The following SENP7 variants were observed in gnomAD, a reference collection of about 807,000 sequenced individuals.
SENP7 encodes the protein SUMO specific peptidase 7.
A neutral mutation model predicts 141.2 loss-of-function variants in SENP7; 64 were observed. The observed-to-expected ratio is 0.45, with a 90% CI of 0.37 to 0.56. SENP7 has a LOEUF of 0.56. Among genes scored for constraint, SENP7 ranks in the 20% least tolerant of loss-of-function variants. The probability of loss-of-function intolerance (pLI) is 0.00; values close to 1 mark genes in which losing one functional copy is unlikely to be tolerated. For missense variants in SENP7, 1,025 were observed against 1,212.2 expected (o/e 0.85, Z 2.29); for synonymous variants, 382 against 426.4 (o/e 0.90, Z 1.28).
intron 3 of SENP7, among the ~76,000 whole-genome samples, chr3:101,488,142 T>C (rs1158619261): frequency 1.3e-5 from 2 of 152,116 alleles, no homozygotes; most frequent in Non-Finnish European, 2.9e-5. Flanking sequence ...TTTTCTGCAG[T>C]GTCTTGTGGT....
chr3:101,401,143 G>C (rs903614759), intron 5 of SENP7, among the ~76,000 whole-genome samples: 1 of 151,942 alleles, frequency 6.6e-6, no homozygotes, highest in Non-Finnish European at 1.5e-5. Flanking sequence ...AGTGTGGAAG[G>C]CATGTTGAAA....
At position 101,367,908 on chromosome 3, in the gene SENP7, C is replaced by T; in HGVS notation, c.900G>A (p.Arg300=). Residue 300 remains arginine, a synonymous_variant, in exon 8 of 24, where the codon AGG becomes AGA. Coordinates refer to ENST00000394095, the MANE Select transcript of SENP7 (RefSeq NM_020654.5). The stretch of plus-strand genomic sequence containing the variant: ...TATTTCTAAGCCTTCTCTTTGTCTT[C>T]CTGGAAATCAGAGTGAGTTCCACTT... ...DSKVELTLIS[R]KTKRRLRNNL... 6.2e-7 allele frequency: 1 copy of T among 1,611,064 alleles called. No individual in the cohort carries two copies. Among genetic ancestry groups the T allele is most frequent in the Non-Finnish European group, 8.5e-7 (1 of 1,177,506 alleles).
intron 6 of SENP7, among the ~76,000 whole-genome samples, chr3:101,392,738 C>T (rs923792131): frequency 1.3e-5 from 2 of 152,174 alleles, no homozygotes; most frequent in African/African-American, 4.8e-5. Flanking sequence ...CAAAGCAATA[C>T]TGAGCAAAAA....
rs1299549995 is a variant in SENP7, at chr3:101,342,768, C to T, written c.2106+918G>A. On this transcript the variant is annotated intron_variant, in intron 14 of 23. Transcript: ENST00000394095. ...GCAATCTCCACCTCCCGGGTTCAAG[C>T]GATTCTCCTGCCTCAGCCGCCTGAG... Among the ~76,000 whole-genome samples, 4 of 151,796 alleles carry T rather than the reference C, an allele frequency of 2.6e-5. 1 individual carries two copies. The South Asian group carries it at 8.3e-4, about 32-fold the overall frequency.
chr3:101,385,701 C>G (rs1009511282), intron 6 of SENP7, among the ~76,000 whole-genome samples: 1 of 152,224 alleles, frequency 6.6e-6, no homozygotes, highest in African/African-American at 2.4e-5. Context: ...TACCCAAACT[C>G]AGAGCAAAGG....
intron 2 of SENP7, among the ~76,000 whole-genome samples, chr3:101,498,578 A>T (rs2065248231): frequency 6.6e-6 from 1 of 152,222 alleles, no homozygotes; most frequent in African/African-American, 2.4e-5. Context: ...ATTGTCATAG[A>T]CTTAAGAAAA....
intron 3 of SENP7, among the ~76,000 whole-genome samples, chr3:101,491,631 G>A (rs897525397): frequency 7.9e-5 from 12 of 152,248 alleles, no homozygotes; most frequent in Non-Finnish European, 1.3e-4. Flanking sequence ...TAAGTAAACA[G>A]AAGTCACCTG....
At chr3:101,414,660 T>G in intron 5 of SENP7, 1 of 1,324,748 alleles carries the variant, frequency 7.5e-7, no homozygotes, top group South Asian at 1.2e-5. Flanking sequence ...CCATGGGGGC[T>G]GAGGGCAAGA....
chr3:101,363,401 C>G (rs780959689), intron 10 of SENP7, among the ~76,000 whole-genome samples: 38 of 152,166 alleles, frequency 2.5e-4, no homozygotes, highest in Non-Finnish European at 5.0e-4. Flanking sequence ...AAAACTGGAA[C>G]AAGAGAGAGC....
chr3:101,402,166 T>C (rs2061163724), intron 5 of SENP7, among the ~76,000 whole-genome samples: 2 of 152,098 alleles, frequency 1.3e-5, no homozygotes, highest in Non-Finnish European at 1.5e-5. Flanking sequence ...GATCCTTCTA[T>C]TGGAATAAAA....
chr3:101,490,109 C>T (rs1404465753), intron 3 of SENP7, among the ~76,000 whole-genome samples: 1 of 151,052 alleles, frequency 6.6e-6, no homozygotes, highest in East Asian at 1.9e-4. Flanking sequence ...CGCTTGAATC[C>T]GGGAGGCAGA....
chr3:101,407,767 C>G (rs1047362343), intron 5 of SENP7, among the ~76,000 whole-genome samples: 1 of 152,050 alleles, frequency 6.6e-6, no homozygotes, highest in Non-Finnish European at 1.5e-5. Flanking sequence ...CTATCAAAAC[C>G]TCTGGGACAC....
At chr3:101,431,235 T>C (rs1425396648) in intron 4 of SENP7, among the ~76,000 whole-genome samples, 1 of 152,140 alleles carries the variant, frequency 6.6e-6, no homozygotes, top group Non-Finnish European at 1.5e-5. Flanking sequence ...TGGATATCCT[T>C]GTTAACCTTC....
intron 1 of SENP7, among the ~76,000 whole-genome samples, chr3:101,506,466 A>T (rs1358336074): frequency 6.6e-6 from 1 of 152,220 alleles, no homozygotes; most frequent in Non-Finnish European, 1.5e-5. Context: ...GAGGAATCCA[A>T]ATAACTTGCC....
At chr3:101,368,152 A>T in intron 7 of SENP7, 141 bp from the exon 8 acceptor site, 1 of 607,300 alleles carries the variant, frequency 1.6e-6, no homozygotes, top group South Asian at 2.4e-5. Context: ...AAATTCTCAT[A>T]CTGACACTGG....
chr3:101,420,438 GA>G (rs1159480389), intron 4 of SENP7, among the ~76,000 whole-genome samples: 1 of 152,134 alleles, frequency 6.6e-6, no homozygotes, highest in East Asian at 1.9e-4. Flanking sequence ...TCCTTGTAGA[GA>G]GGGGGAACAC....
chr3:101,437,718 G>T (rs1348142818), intron 4 of SENP7, among the ~76,000 whole-genome samples: 1 of 151,070 alleles, frequency 6.6e-6, no homozygotes, highest in African/African-American at 2.4e-5. Context: ...CTCAAAAAAA[G>T]AAAAAATATC....
chr3:101,367,966 C>T lies in SENP7; in HGVS notation c.842G>A (p.Ser281Asn). ...AGAATATTTAACATCCTTGTTTCTGCTTTCCTGTTCGAGATGATCACAACC... is the reference window on the plus strand; with the variant it reads ...AGAATATTTAACATCCTTGTTTCTGTTTTCCTGTTCGAGATGATCACAACC... Reference protein sequence around the residue: ...SRGCDHLEQESRNKDVKYSDS... With the variant: ...SRGCDHLEQENRNKDVKYSDS... Residue 281 changes from serine (S) to asparagine (N), a missense_variant, in exon 8 of 24, where the codon AGC (serine) becomes AAC (asparagine). Around this residue, in one of 4 missense-constraint regions of SENP7, gnomAD observed 496 missense variants for 503.5 expected, o/e 0.99. Transcript: ENST00000394095. The T allele has an allele frequency of 1.9e-6, 3 of 1,613,064 alleles. No homozygotes were observed. Among genetic ancestry groups the T allele is most frequent in the Admixed American group, 1.7e-5 (1 of 59,926 alleles).
chr3:101,426,954 C>A (rs1051156188), intron 4 of SENP7, among the ~76,000 whole-genome samples: 12 of 152,160 alleles, frequency 7.9e-5, no homozygotes, highest in Admixed American at 6.5e-4. Flanking sequence ...ACTACAGAAA[C>A]AAGTCTGCAT....
Sources: gnomAD v4.1 joint callset for allele counts (sites outside exome capture counted in the v4.1 genomes callset) on GRCh38, gnomAD v4.1.1 for gene constraint, gnomAD v4.1.1 regional missense constraint, MANE v1.5 for transcripts, NCBI Gene and HGNC (gene_info 2026-07-23, HGNC 2026-07-21) for gene names.